The following CLSTN2 variants were observed in gnomAD, a reference collection of about 807,000 sequenced individuals.
CLSTN2 encodes calsyntenin-2.
In CLSTN2, 48 loss-of-function variants were observed where a neutral mutation model predicts 101.2. That is an observed-to-expected ratio of 0.47 (90% confidence interval 0.38 to 0.60). CLSTN2 has a LOEUF of 0.60. Among genes scored for constraint, CLSTN2 ranks in the 20% least tolerant of loss-of-function variants. CLSTN2 has a pLI of 0.00. For synonymous variants in CLSTN2, 481 were observed against 463.6 expected, an observed-to-expected ratio of 1.04 and a Z score of -0.48; for missense variants, 1,160 against 1,238.2, an observed-to-expected ratio of 0.94 and a Z score of 0.95.
intron 1 of CLSTN2, among the ~76,000 whole-genome samples, chr3:140,104,659 G>T (rs148814434): frequency 1.3e-5 from 2 of 152,290 alleles, no homozygotes; most frequent in East Asian, 3.9e-4. Context: ...AGAAAGTGTT[G>T]CTGACAAATA....
At chr3:140,145,362 G>T (rs2009765821) in intron 1 of CLSTN2, among the ~76,000 whole-genome samples, 1 of 152,314 alleles carries the variant, frequency 6.6e-6, no homozygotes, top group Middle Eastern at 3.4e-3. Flanking sequence ...ATTCCTAGAG[G>T]CATAAAGTTT....
intron 2 of CLSTN2, among the ~76,000 whole-genome samples, chr3:140,254,944 A>G (rs1468260540): frequency 6.6e-6 from 1 of 152,204 alleles, no homozygotes; most frequent in Non-Finnish European, 1.5e-5. Context: ...TCTATAAGAA[A>G]CTTAAATCAA....
intron 1 of CLSTN2, among the ~76,000 whole-genome samples, chr3:139,967,542 G>A (rs1347357321): frequency 6.6e-6 from 1 of 152,138 alleles, no homozygotes; most frequent in Non-Finnish European, 1.5e-5. Context: ...TTTGGCATGT[G>A]GGACTCAAGG....
intron 8 of CLSTN2, among the ~76,000 whole-genome samples, chr3:140,522,874 T>C (rs139023237): frequency 2.8e-4 from 41 of 147,392 alleles, no homozygotes; most frequent in African/African-American, 1.0e-3. Context: ...AGTTTAATCA[T>C]TTGCTGTGTT....
intron 2 of CLSTN2, among the ~76,000 whole-genome samples, chr3:140,310,316 C>G (rs2087155074): frequency 6.6e-6 from 1 of 151,984 alleles, no homozygotes; most frequent in Non-Finnish European, 1.5e-5. Context: ...GCTGGCCCCA[C>G]CCATCTCCCC....
chr3:140,488,915 T>C (rs545295020), intron 8 of CLSTN2, among the ~76,000 whole-genome samples: 34 of 152,144 alleles, frequency 2.2e-4, no homozygotes, highest in African/African-American at 8.2e-4. Flanking sequence ...AACACATGAG[T>C]GTGCAAATAA....
intron 1 of CLSTN2, among the ~76,000 whole-genome samples, chr3:139,948,073 C>G (rs1335927733): frequency 6.6e-6 from 1 of 152,114 alleles, no homozygotes; most frequent in Non-Finnish European, 1.5e-5. Flanking sequence ...ATCACATTAG[C>G]CTTTAGCACT....
At position 139,957,282 on chromosome 3, in the gene CLSTN2, A is replaced by G. The variant is rs1030444787; in HGVS notation, c.109+21799A>G. 5.3e-5 allele frequency among the ~76,000 whole-genome samples: 8 copies of G among 152,038 alleles called. No individual in the cohort carries two copies. In the East Asian group the frequency reaches 1.6e-3, roughly 29 times the overall value. ...GTGATTCACCCCTCCAGGCAGCACC[A>G]CTTACTCTCCCAGCAGGATCTGGGA... On this transcript the variant is annotated intron_variant, in intron 1 of 16. Transcript: ENST00000458420.
intron 10 of CLSTN2, among the ~76,000 whole-genome samples, chr3:140,553,868 TG>T: frequency 6.6e-6 from 1 of 152,256 alleles, no homozygotes; most frequent in Middle Eastern, 3.4e-3. Context: ...GAACAGGGTT[TG>T]GTGAGTACTG....
intron 7 of CLSTN2, 142 bp downstream of exon 7, chr3:140,459,911 G>T (rs1401467159): frequency 1.9e-5 from 19 of 990,412 alleles, no homozygotes; most frequent in Non-Finnish European, 2.7e-5. Flanking sequence ...ATATATTCTG[G>T]TCTCTGGTTT....
chr3:140,007,547 C>A (rs1345072791), intron 1 of CLSTN2, among the ~76,000 whole-genome samples: 1 of 152,140 alleles, frequency 6.6e-6, no homozygotes, highest in Non-Finnish European at 1.5e-5. Context: ...TTAATTCATT[C>A]ATCTGTGCTT....
At chr3:139,949,572 G>A (rs1007951475) in intron 1 of CLSTN2, among the ~76,000 whole-genome samples, 25 of 152,268 alleles carry the variant, frequency 1.6e-4, no homozygotes, top group Admixed American at 1.2e-3. Flanking sequence ...GCTGGGGAGC[G>A]GAAGCTAGAT....
At chr3:140,455,194 G>A (rs1933366746) in intron 6 of CLSTN2, among the ~76,000 whole-genome samples, 2 of 152,014 alleles carry the variant, frequency 1.3e-5, no homozygotes, top group African/African-American at 4.8e-5. Context: ...ACAGAGTGAG[G>A]CCTGTGTCCT....
chr3:140,338,284 C>T (rs767521341), intron 2 of CLSTN2, among the ~76,000 whole-genome samples: 2 of 152,156 alleles, frequency 1.3e-5, no homozygotes, highest in Admixed American at 6.5e-5. Context: ...CTTTCTGCTC[C>T]GTACTGCAGC....
chr3:139,969,480 G>T (rs1265982264), intron 1 of CLSTN2, among the ~76,000 whole-genome samples: 1 of 152,148 alleles, frequency 6.6e-6, no homozygotes, highest in East Asian at 1.9e-4. Context: ...GCACAATCTT[G>T]TCACTGCCAG....
At chr3:140,424,736 T>C (rs949113065) in intron 5 of CLSTN2, among the ~76,000 whole-genome samples, 1 of 152,132 alleles carries the variant, frequency 6.6e-6, no homozygotes, top group African/African-American at 2.4e-5. Flanking sequence ...ATGGGGTGAA[T>C]CCTGCACTTT....
At chr3:140,314,380 C>G (rs1015004315) in intron 2 of CLSTN2, among the ~76,000 whole-genome samples, 2 of 152,084 alleles carry the variant, frequency 1.3e-5, no homozygotes, top group Admixed American at 6.5e-5. Flanking sequence ...ATTAGGTTAT[C>G]CCCTTGAGCC....
intron 2 of CLSTN2, among the ~76,000 whole-genome samples, chr3:140,338,839 C>T (rs2087466545): frequency 6.6e-6 from 1 of 152,220 alleles, no homozygotes; most frequent in Admixed American, 6.5e-5. Flanking sequence ...TCCTTGCCCC[C>T]TTATAGCCTG....
At chr3:140,329,661 G>A (rs1443191074) in intron 2 of CLSTN2, among the ~76,000 whole-genome samples, 1 of 152,112 alleles carries the variant, frequency 6.6e-6, no homozygotes, top group African/African-American at 2.4e-5. Flanking sequence ...ATAGGCATAA[G>A]CACTTTAGGT....
Sources: allele counts gnomAD v4.1 joint callset (sites outside exome capture counted in the v4.1 genomes callset), GRCh38; gene constraint gnomAD v4.1.1; transcripts MANE v1.5; gene names NCBI Gene and HGNC (gene_info 2026-07-23, HGNC 2026-07-21).